FSTL5: variants seen among roughly 807,000 people sequenced by gnomAD.
The protein encoded by FSTL5 is follistatin-related protein 5.
Under a neutral mutation model 89.1 loss-of-function variants are expected in FSTL5, and 62 were observed. The ratio of observed to expected loss-of-function variants is 0.70; its 90% CI spans 0.57 to 0.86. The LOEUF is 0.86. FSTL5 is among the 40% of genes least tolerant of loss of function. The pLI is 0.00. For synonymous variants in FSTL5, 383 were observed against 346.2 expected, an observed-to-expected ratio of 1.11 and a Z score of -1.18; for missense variants, 1,057 against 1,001.6, an observed-to-expected ratio of 1.06 and a Z score of -0.75.
intron 6 of FSTL5, among the ~76,000 whole-genome samples, chr4:161,693,745 T>G (rs765422253): frequency 6.7e-5 from 10 of 148,182 alleles, no homozygotes; most frequent in East Asian, 2.0e-4. Context: ...TTCACGCCAT[T>G]CTCCTGCCTC....
At chr4:161,389,798 C>G (rs1027120124) in intron 15 of FSTL5, among the ~76,000 whole-genome samples, 1 of 152,070 alleles carries the variant, frequency 6.6e-6, no homozygotes, top group Non-Finnish European at 1.5e-5. Context: ...TCCTTTACAC[C>G]ATGAGTAGCA....
At chr4:161,502,552 T>C (rs527265190) in intron 11 of FSTL5, among the ~76,000 whole-genome samples, 1 of 152,030 alleles carries the variant, frequency 6.6e-6, no homozygotes, top group East Asian at 1.9e-4. Flanking sequence ...TTAATTAAAA[T>C]AGCGATTATA....
intron 4 of FSTL5, among the ~76,000 whole-genome samples, chr4:161,787,829 T>C (rs1490835741): frequency 2.0e-5 from 3 of 152,188 alleles, no homozygotes; most frequent in Admixed American, 6.5e-5. Flanking sequence ...AAATAGTTTA[T>C]AAGCTACATT....
At chr4:161,892,097 T>C (rs925061617) in intron 4 of FSTL5, among the ~76,000 whole-genome samples, 2 of 152,042 alleles carry the variant, frequency 1.3e-5, no homozygotes, top group African/African-American at 4.8e-5. Context: ...GTTTTCCTGA[T>C]GTACTTATTT....
intron 3 of FSTL5, among the ~76,000 whole-genome samples, chr4:162,005,621 G>T (rs1472004980): frequency 2.0e-5 from 3 of 152,018 alleles, no homozygotes; most frequent in Non-Finnish European, 2.9e-5. Flanking sequence ...AGGTATTAGG[G>T]GAAGAGAATA....
At chr4:161,498,024 A>G (rs1049183373) in intron 12 of FSTL5, among the ~76,000 whole-genome samples, 1 of 151,772 alleles carries the variant, frequency 6.6e-6, no homozygotes, top group Non-Finnish European at 1.5e-5. Flanking sequence ...ATGTATACAT[A>G]GAGACCTGGA....
At chr4:161,728,452 T>C (rs1739496289) in intron 6 of FSTL5, among the ~76,000 whole-genome samples, 1 of 152,156 alleles carries the variant, frequency 6.6e-6, no homozygotes. Context: ...GGAAAATTGT[T>C]GCTTACTTAA....
intron 2 of FSTL5, among the ~76,000 whole-genome samples, chr4:162,075,905 A>G (rs1196251233): frequency 6.6e-6 from 1 of 151,788 alleles, no homozygotes; most frequent in Non-Finnish European, 1.5e-5. Flanking sequence ...GGGTGGCTGG[A>G]ATCTCTGTTG....
At chr4:162,149,491 A>T (rs1041996687) in intron 1 of FSTL5, among the ~76,000 whole-genome samples, 5 of 151,718 alleles carry the variant, frequency 3.3e-5, no homozygotes, top group Non-Finnish European at 5.9e-5. Flanking sequence ...AAAAAAAAAA[A>T]TTAGTTCTGT....
At chr4:162,090,554 C>T (rs115913664) in intron 2 of FSTL5, among the ~76,000 whole-genome samples, 2,278 of 152,176 alleles carry the variant, frequency 0.015, 58 homozygotes, top group African/African-American at 0.052. Flanking sequence ...GGTGCGGTGA[C>T]TCATGCCTGT....
At chr4:161,711,647 T>C (rs1738784821) in intron 6 of FSTL5, among the ~76,000 whole-genome samples, 1 of 152,064 alleles carries the variant, frequency 6.6e-6, no homozygotes, top group South Asian at 2.1e-4. Context: ...ATTACCCTGA[T>C]ACCAAAACTA....
intron 1 of FSTL5, among the ~76,000 whole-genome samples, chr4:162,148,544 AATTAG>A (rs1175946304): frequency 6.6e-6 from 1 of 152,160 alleles, no homozygotes; most frequent in Non-Finnish European, 1.5e-5. Context: ...CTATTAATTT[AATTAG>A]AAGTTTTAAA....
At chr4:162,017,781 T>C (rs1378952492) in intron 3 of FSTL5, among the ~76,000 whole-genome samples, 1 of 152,198 alleles carries the variant, frequency 6.6e-6, no homozygotes. Context: ...ACTCAAGATT[T>C]TCAAAATGTA....
rs1490282587 is a variant in FSTL5 at position 161,455,130 on chromosome 4, T to C, written c.1717-2A>G. The C allele has an allele frequency of 2.5e-6, 4 of 1,600,380 alleles. No individual in the cohort carries two copies. The highest frequency in any genetic ancestry group is 3.4e-6 in the Non-Finnish European group (4 of 1,174,748). Reference sequence around the variant, plus strand: ...ATTCCCACTGGCCAGGGTAATTACCTAAAGAGAACACACCTTGGTTAGACC... The same window carrying C: ...ATTCCCACTGGCCAGGGTAATTACCCAAAGAGAACACACCTTGGTTAGACC... On this transcript the variant is annotated splice_acceptor_variant, in intron 14 of 15. Coordinates refer to ENST00000306100, the MANE Select transcript of FSTL5 (RefSeq NM_020116.5). LOFTEE classifies it high-confidence loss of function.
Position 161,437,565 on chromosome 4 carries a change from C to CAAAAAAAAAAAAAAAAAAAAAAAAA in FSTL5, c.1841+17438_1841+17439insTTTTTTTTTTTTTTTTTTTTTTTTT, listed in dbSNP as rs56229701. Among the ~76,000 whole-genome samples the CAAAAAAAAAAAAAAAAAAAAAAAAA allele has an allele frequency of 2.7e-3, 185 of 68,462 alleles. 13 individuals are homozygous for CAAAAAAAAAAAAAAAAAAAAAAAAA. The highest frequency in any genetic ancestry group is 7.5e-3 in the East Asian group (10 of 1,330). The allele number at this position is 68,462 out of a possible 152,430, so 44.9% of individuals were successfully genotyped here. On this transcript the variant is annotated intron_variant, in intron 15 of 15. Coordinates refer to ENST00000306100, the MANE Select transcript of FSTL5 (RefSeq NM_020116.5). ...CTGGTGACAGAGTGAGACTCCGTCT[C>CAAAAAAAAAAAAAAAAAAAAAAAAA]AAAAAAAAAAAAAAAAACGAGGTCA... is the stretch of plus-strand genomic sequence containing the variant.
chr4:161,877,272 T>C (rs547553921), intron 4 of FSTL5, among the ~76,000 whole-genome samples: 10 of 151,030 alleles, frequency 6.6e-5, no homozygotes, highest in African/African-American at 2.4e-4. Flanking sequence ...GATAATATAG[T>C]AGAATATGGT....
At chr4:161,493,837 CTACTTGTTATCGA>C (rs1397876341) in intron 12 of FSTL5, among the ~76,000 whole-genome samples, 2 of 152,042 alleles carry the variant, frequency 1.3e-5, no homozygotes, top group Non-Finnish European at 2.9e-5. Context: ...AACACCTTGG[CTACTTGTTATCGA>C]TAATCTCTTG....
intron 4 of FSTL5, among the ~76,000 whole-genome samples, chr4:161,824,123 C>A (rs980823623): frequency 6.6e-6 from 1 of 152,054 alleles, no homozygotes; most frequent in Non-Finnish European, 1.5e-5. Flanking sequence ...AATGTTATTG[C>A]ATAGAATTTT....
intron 3 of FSTL5, among the ~76,000 whole-genome samples, chr4:161,989,043 T>C (rs1283313017): frequency 6.6e-6 from 1 of 152,194 alleles, no homozygotes; most frequent in Non-Finnish European, 1.5e-5. Context: ...ATGTCCCCTA[T>C]GCCAAGGATG....
Sources: allele counts gnomAD v4.1 joint callset (sites outside exome capture counted in the v4.1 genomes callset), GRCh38; gene constraint gnomAD v4.1.1; transcripts MANE v1.5; gene names NCBI Gene and HGNC (gene_info 2026-07-23, HGNC 2026-07-21).